Variants in ENG observed in about 807,000 individuals in gnomAD.
ENG encodes CD105 antigen.
Under a neutral mutation model 71.0 loss-of-function variants are expected in ENG, and 17 were observed. The observed-to-expected ratio is 0.24, with a 90% CI of 0.16 to 0.36. The LOEUF (loss-of-function observed/expected upper bound fraction) is 0.36. Ranked by LOEUF, ENG falls within the 10% of genes least tolerant of loss-of-function variation. The pLI is 1.00. For missense variants in ENG, 749 were observed against 868.3 expected, an observed-to-expected ratio of 0.86 and a Z score of 1.73; for synonymous variants, 360 against 366.9, an observed-to-expected ratio of 0.98 and a Z score of 0.21.
At chr9:127,851,395 T>C (rs917720638) in intron 1 of ENG, among the ~76,000 whole-genome samples, 3 of 151,976 alleles carry the variant, frequency 2.0e-5, no homozygotes, top group African/African-American at 7.2e-5. Context: ...AATTTTTGTA[T>C]TTTTAGTAGA....
Position 127,846,702 on chromosome 9 carries a change from G to A in ENG, c.68-3457C>T, listed in dbSNP as rs1416574812. ...ATGGGGAGACAGGAGGGAGTGTGACGCCTGGGCCTGTCTCCCGGAGCCTGA... is the reference window on the plus strand; with the variant it reads ...ATGGGGAGACAGGAGGGAGTGTGACACCTGGGCCTGTCTCCCGGAGCCTGA... On this transcript the variant is annotated intron_variant, in intron 1 of 14. Transcript: ENST00000373203. This position sits in a 1 kb window ranked among gnomAD's most constrained non-coding sequence, Gnocchi z 5.5. Among the ~76,000 whole-genome samples the A allele has an allele frequency of 6.6e-6, 1 of 152,138 alleles. No homozygotes were observed. Among genetic ancestry groups the A allele is most frequent in the African/African-American group, 2.4e-5 (1 of 41,434 alleles).
chr9:127,848,311 T>G (rs1831219532), intron 1 of ENG, among the ~76,000 whole-genome samples: 1 of 151,076 alleles, frequency 6.6e-6, no homozygotes, highest in South Asian at 2.1e-4. Flanking sequence ...TTTTGGAGAG[T>G]CGGGGTCTTG....
At chr9:127,815,908 C>G in intron 14 of ENG, 35 bp downstream of exon 14, 1 of 1,578,428 alleles carries the variant, frequency 6.3e-7, no homozygotes, top group Non-Finnish European at 8.6e-7. Context: ...ATGGAGGGGC[C>G]CGGCATGCTC....
At chr9:127,854,233 G>T in intron 1 of ENG, 56 bp downstream of exon 1, 1 of 1,525,446 alleles carries the variant, frequency 6.6e-7, no homozygotes, top group Non-Finnish European at 8.9e-7. Context: ...AATACTTGGG[G>T]CCTGGTCCGT....
In ENG at chr9:127,838,352, C is replaced by T. The variant is rs1244309877; in HGVS notation, c.219+4742G>A. Among the ~76,000 whole-genome samples, 3 of 152,188 alleles carry T rather than the reference C, an allele frequency of 2.0e-5. No homozygotes were observed. Among genetic ancestry groups the T allele is most frequent in the African/African-American group, 7.2e-5 (3 of 41,436 alleles). ...GGAGAGGGCTGCCATTGGCAGAGGGCCAGAGGGAGACTGCTTCCCCCAAGC... is the reference window on the plus strand; with the variant it reads ...GGAGAGGGCTGCCATTGGCAGAGGGTCAGAGGGAGACTGCTTCCCCCAAGC... On this transcript the variant is annotated intron_variant, in intron 2 of 14. Coordinates refer to ENST00000373203, the MANE Select transcript of ENG (RefSeq NM_001114753.3). This position sits in a 1 kb window ranked among gnomAD's most constrained non-coding sequence, Gnocchi z 4.3.
At chr9:127,840,248 C>T (rs985473573) in intron 2 of ENG, among the ~76,000 whole-genome samples, 3 of 152,244 alleles carry the variant, frequency 2.0e-5, no homozygotes, top group African/African-American at 7.2e-5. Flanking sequence ...GCATCAAGGT[C>T]ATACAGCGGC....
At chr9:127,822,061 G>C (rs1392565661) in intron 8 of ENG, among the ~76,000 whole-genome samples, 2 of 149,784 alleles carry the variant, frequency 1.3e-5, no homozygotes, top group Non-Finnish European at 3.0e-5. Context: ...GAAAAAAAAA[G>C]AAAAGAAAAG....
intron 12 of ENG, among the ~76,000 whole-genome samples, chr9:127,817,589 C>G (rs981070318): frequency 6.6e-6 from 1 of 152,054 alleles, no homozygotes; most frequent in African/African-American, 2.4e-5. Flanking sequence ...TTCCTATGAC[C>G]AGAGAAGTTT....
chr9:127,853,012 G>C (rs1244637644), intron 1 of ENG, among the ~76,000 whole-genome samples: 1 of 152,146 alleles, frequency 6.6e-6, no homozygotes, highest in Non-Finnish European at 1.5e-5. Context: ...TGGCAGGTTA[G>C]AGCCTCCCTT....
chr9:127,851,412 G>C (rs929209027), intron 1 of ENG, among the ~76,000 whole-genome samples: 1 of 151,732 alleles, frequency 6.6e-6, no homozygotes, highest in African/African-American at 2.4e-5. Context: ...TAGAGACAAG[G>C]TTTTGCCATG....
intron 2 of ENG, among the ~76,000 whole-genome samples, chr9:127,841,592 G>T (rs1054483311): frequency 6.6e-6 from 1 of 152,242 alleles, no homozygotes; most frequent in Non-Finnish European, 1.5e-5. Context: ...TAGAGGGCAG[G>T]GCGGTGGGGA....
intron 1 of ENG, among the ~76,000 whole-genome samples, chr9:127,845,622 T>C (rs777895097): frequency 2.6e-5 from 4 of 152,220 alleles, no homozygotes; most frequent in Admixed American, 6.5e-5. Flanking sequence ...ACCTGGTCTA[T>C]AAAATGACAA....
chr9:127,825,337 T>C lies in ENG; in HGVS notation c.710A>G (p.Lys237Arg). The C allele has an allele frequency of 6.2e-7, 1 of 1,609,796 alleles. No homozygotes were observed. The highest frequency in any genetic ancestry group is 8.5e-7 in the Non-Finnish European group (1 of 1,179,372). ...HSAGPRTVTV[K>R]VELSCAPGDL... ...CCCGGGTGCGCAGCTCAGTTCCACC[T>C]TCACCGTCACCGTCCGGGGCCTGCG... The change falls in exon 6 of 15, where the codon AAG becomes AGG. Residue 237 changes from lysine to arginine, a missense_variant. Lys to Arg is a conservative substitution (Grantham distance 26). Transcript: ENST00000373203.
intron 1 of ENG, among the ~76,000 whole-genome samples, chr9:127,844,325 C>G (rs2131921567): frequency 6.6e-6 from 1 of 151,886 alleles, no homozygotes; most frequent in South Asian, 2.1e-4. Context: ...TGGGGCTTCT[C>G]CATGTTGGTC....
intron 2 of ENG, among the ~76,000 whole-genome samples, chr9:127,837,727 C>T (rs1273064723): frequency 1.3e-5 from 2 of 152,112 alleles, no homozygotes; most frequent in South Asian, 2.1e-4. Context: ...CTTTTATTCT[C>T]TCTCCCTCCC....
intron 3 of ENG, 115 bp downstream of exon 3, chr9:127,829,572 G>A (rs1736188678): frequency 2.2e-6 from 3 of 1,391,284 alleles, no homozygotes; most frequent in African/African-American, 1.4e-5. Context: ...ATGTCAAGAT[G>A]AAAGGGAGAA....
At chr9:127,825,399 G>A in intron 5 of ENG, 42 bp from the exon 6 acceptor site, 3 of 1,604,570 alleles carry the variant, frequency 1.9e-6, no homozygotes, top group Non-Finnish European at 2.5e-6. Flanking sequence ...AAGCGGACAG[G>A]CCAGGCGGGG....
At chr9:127,817,494 G>C (rs1830355112) in intron 12 of ENG, among the ~76,000 whole-genome samples, 2 of 152,194 alleles carry the variant, frequency 1.3e-5, no homozygotes, top group Admixed American at 6.5e-5. Flanking sequence ...ACACTTTGGA[G>C]CTATGAGCCA....
chr9:127,815,294 C>T lies in ENG; in HGVS notation c.*388G>A, dbSNP rs991371974. On this transcript the variant is annotated 3_prime_UTR_variant, in exon 15 of 15. Coordinates refer to ENST00000373203, the MANE Select transcript of ENG (RefSeq NM_001114753.3). ...GGGCTGGGCCCTCTTCTCTTCCCAGCGGGGAGGTGCTGTTGGCCTGGCTGG... is the reference window on the plus strand; with the variant it reads ...GGGCTGGGCCCTCTTCTCTTCCCAGTGGGGAGGTGCTGTTGGCCTGGCTGG... 4.2e-5 allele frequency: 9 copies of T among 214,736 alleles called. No homozygotes were observed. The highest frequency in any genetic ancestry group is 2.3e-4 in the East Asian group (2 of 8,702). The allele number at this position is 214,736 out of a possible 1,614,324, so 13.3% of individuals were successfully genotyped here.
Sources: allele counts gnomAD v4.1 joint callset (sites outside exome capture counted in the v4.1 genomes callset), GRCh38; gene constraint gnomAD v4.1.1; non-coding constraint Gnocchi (gnomAD v3.1); transcripts MANE v1.5; gene names NCBI Gene and HGNC (gene_info 2026-07-23, HGNC 2026-07-21).